QTMAN: variants seen among roughly 807,000 people sequenced by gnomAD.
QTMAN encodes the protein tRNA-queuosine alpha-mannosyltransferase.
the QTMAN span, among the ~76,000 whole-genome samples, chr2:144,041,177 A>G: frequency 7.2e-5 from 11 of 152,182 alleles, no homozygotes; most frequent in Non-Finnish European, 1.0e-4. Flanking sequence ...AGCGATTTTT[A>G]ACACATAACC....
the QTMAN span, chr2:143,946,977 G>C: frequency 9.5e-7 from 1 of 1,051,612 alleles, no homozygotes; most frequent in Non-Finnish European, 1.5e-6. Context: ...TCTCTGATCA[G>C]GTAAATATGG....
the QTMAN span, among the ~76,000 whole-genome samples, chr2:144,305,408 A>T: frequency 6.6e-6 from 1 of 152,212 alleles, no homozygotes. Flanking sequence ...TCAATTGAAC[A>T]TAAAAGTCAG....
chr2:144,007,226 A>G, the QTMAN span: 1 of 1,610,068 alleles, frequency 6.2e-7, no homozygotes, highest in East Asian at 2.2e-5. Context: ...GCTGATTATC[A>G]ACTCCACCCA....
the QTMAN span, among the ~76,000 whole-genome samples, chr2:144,248,827 C>T: frequency 1.5e-4 from 22 of 151,692 alleles, no homozygotes; most frequent in Non-Finnish European, 3.2e-4. Context: ...TCAGGTTGGT[C>T]GCTCTGATTG....
the QTMAN span, among the ~76,000 whole-genome samples, chr2:144,263,182 T>C: frequency 6.6e-6 from 1 of 151,958 alleles, no homozygotes. Flanking sequence ...CATTTTTTTT[T>C]TTTTCACTCA....
the QTMAN span, among the ~76,000 whole-genome samples, chr2:144,154,954 C>T: frequency 0.044 from 6,648 of 152,178 alleles, 262 homozygotes; most frequent in East Asian, 0.18. Flanking sequence ...ATTCCCTCAA[C>T]GACTGTGAGA....
the QTMAN span, among the ~76,000 whole-genome samples, chr2:144,160,813 C>T: frequency 6.6e-6 from 1 of 152,132 alleles, no homozygotes; most frequent in African/African-American, 2.4e-5. Flanking sequence ...TTAAGGCAGC[C>T]ACTTTCTCAA....
chr2:144,316,380 T>C, the QTMAN span, among the ~76,000 whole-genome samples: 3 of 152,354 alleles, frequency 2.0e-5, no homozygotes, highest in African/African-American at 4.8e-5. Flanking sequence ...AGCTTCATGA[T>C]ACCATTATCC....
At chr2:144,301,053 T>G in the QTMAN span, among the ~76,000 whole-genome samples, 1 of 152,184 alleles carries the variant, frequency 6.6e-6, no homozygotes, top group Non-Finnish European at 1.5e-5. Flanking sequence ...TGGGTTTTTT[T>G]CCTAGCCAAT....
At chr2:144,244,558 C>T in the QTMAN span, among the ~76,000 whole-genome samples, 1 of 152,142 alleles carries the variant, frequency 6.6e-6, no homozygotes, top group African/African-American at 2.4e-5. Flanking sequence ...AAGTAAGTAA[C>T]ATAAAACTAT....
chr2:144,138,077 G>A, the QTMAN span, among the ~76,000 whole-genome samples: 1 of 152,036 alleles, frequency 6.6e-6, no homozygotes, highest in East Asian at 1.9e-4. Flanking sequence ...ATGCCAAAGT[G>A]GCTCCAATGT....
At chr2:144,206,156 T>C in the QTMAN span, among the ~76,000 whole-genome samples, 1 of 152,196 alleles carries the variant, frequency 6.6e-6, no homozygotes, top group Non-Finnish European at 1.5e-5. Flanking sequence ...AACACCAATA[T>C]GTATCTACAT....
At chr2:144,045,269 T>C in the QTMAN span, among the ~76,000 whole-genome samples, 1 of 152,182 alleles carries the variant, frequency 6.6e-6, no homozygotes, top group African/African-American at 2.4e-5. Flanking sequence ...AAAAATAGAA[T>C]GTTGAATGTC....
the QTMAN span, among the ~76,000 whole-genome samples, chr2:144,232,407 C>T: frequency 6.6e-6 from 1 of 152,086 alleles, no homozygotes; most frequent in Non-Finnish European, 1.5e-5. Flanking sequence ...TCTTAAAGTA[C>T]CCATAATAGA....
chr2:144,226,489 T>C, the QTMAN span, among the ~76,000 whole-genome samples: 1 of 152,190 alleles, frequency 6.6e-6, no homozygotes, highest in Non-Finnish European at 1.5e-5. Flanking sequence ...AGTTCAAATT[T>C]AGGAAATTAT....
chr2:144,049,571 C>G, the QTMAN span, among the ~76,000 whole-genome samples: 1 of 152,088 alleles, frequency 6.6e-6, no homozygotes, highest in Admixed American at 6.5e-5. Flanking sequence ...CTTTAGTGAG[C>G]AAAATCCAAA....
At chr2:143,998,114 C>CAA in the QTMAN span, among the ~76,000 whole-genome samples, 5 of 151,984 alleles carry the variant, frequency 3.3e-5, no homozygotes, top group Non-Finnish European at 7.4e-5. Flanking sequence ...AACTGCCTTT[C>CAA]ACACCAAGCT....
chr2:144,065,099 T>G, the QTMAN span, among the ~76,000 whole-genome samples: 1 of 152,128 alleles, frequency 6.6e-6, no homozygotes, highest in Non-Finnish European at 1.5e-5. Context: ...CCAAAGGCAT[T>G]CAAAGCTTAA....
the QTMAN span, chr2:144,011,639 GTAA>G: frequency 7.4e-6 from 5 of 673,332 alleles, no homozygotes; most frequent in African/African-American, 9.7e-5. Flanking sequence ...TTCTATGCTA[GTAA>G]AAAAAAAAAA....
Sources: allele counts gnomAD v4.1 joint callset (sites outside exome capture counted in the v4.1 genomes callset), GRCh38; gene constraint gnomAD v4.1.1; transcripts MANE v1.5; gene names NCBI Gene and HGNC (gene_info 2026-07-23, HGNC 2026-07-21).